The following KPNA5 variants were observed in gnomAD, a reference collection of about 807,000 sequenced individuals.
The protein encoded by KPNA5 is importin subunit alpha-6.
KPNA5 carries 46 observed loss-of-function variants against 71.3 expected under a neutral mutation model. The ratio of observed to expected loss-of-function variants is 0.65; its 90% CI spans 0.51 to 0.83. The LOEUF (loss-of-function observed/expected upper bound fraction) is 0.83. KPNA5 is among the 40% of genes least tolerant of loss of function. The pLI, the probability that KPNA5 is intolerant of heterozygous loss-of-function variation, is 0.00. For missense variants in KPNA5, 547 were observed against 628.3 expected (o/e 0.87, Z 1.38); for synonymous variants, 207 against 201.4 (o/e 1.03, Z -0.24).
intron 9 of KPNA5, among the ~76,000 whole-genome samples, chr6:116,722,526 C>G (rs988542592): frequency 2.0e-5 from 3 of 152,114 alleles, no homozygotes; most frequent in African/African-American, 7.2e-5. Flanking sequence ...TTAATGTGAT[C>G]TCTTTATGAA....
Position 116,726,550 on chromosome 6 carries a change from A to G in KPNA5, c.1181A>G (p.Glu394Gly). The stretch of plus-strand genomic sequence containing the variant: ...TTGATTGAGATTCTTCAGAAAGCAG[A>G]GTTTCGTACCAGAAAAGAAGCAGCT... ...PVLIEILQKA[E>G]FRTRKEAAWA... The change falls in exon 12 of 14, where the codon GAG (glutamate) becomes GGG (glycine). Residue 394 changes from glutamate to glycine, a missense_variant. Coordinates refer to ENST00000368564, the MANE Select transcript of KPNA5 (RefSeq NM_001366306.2). 6.2e-7 allele frequency: 1 copy of G among 1,612,508 alleles called. No individual in the cohort carries two copies. The highest frequency in any genetic ancestry group is 1.3e-5 in the African/African-American group (1 of 74,976).
chr6:116,703,332 G>A (rs1000446896), intron 6 of KPNA5, among the ~76,000 whole-genome samples: 4 of 150,642 alleles, frequency 2.7e-5, no homozygotes, highest in Admixed American at 6.6e-5. Context: ...GCGCGATCTC[G>A]GCTCACTGCA....
chr6:116,683,592 T>G (rs542504525), intron 1 of KPNA5, among the ~76,000 whole-genome samples: 36 of 152,230 alleles, frequency 2.4e-4, no homozygotes, highest in Admixed American at 6.5e-4. Context: ...TTTATTATTT[T>G]TTTTTGAGAT....
chr6:116,690,971 A>G (rs561504160), intron 2 of KPNA5, among the ~76,000 whole-genome samples: 7 of 152,042 alleles, frequency 4.6e-5, no homozygotes, highest in African/African-American at 9.7e-5. Context: ...GCTTATGCCT[A>G]TAATCCCAGC....
At chr6:116,723,474 G>C (rs957567129) in intron 9 of KPNA5, among the ~76,000 whole-genome samples, 2 of 152,150 alleles carry the variant, frequency 1.3e-5, no homozygotes, top group Admixed American at 1.3e-4. Context: ...TTTCAGGACT[G>C]GGACTGAGAA....
chr6:116,732,412 C>A lies in KPNA5; in HGVS notation c.*89C>A. Reference sequence around the variant, plus strand: ...CAATGTAAGAATGTTTGTTTTTTTACATAGAACAGTAAAGAGAATTTGATG... The same window carrying A: ...CAATGTAAGAATGTTTGTTTTTTTAAATAGAACAGTAAAGAGAATTTGATG... On this transcript the variant is annotated 3_prime_UTR_variant, in exon 14 of 14. Transcript: ENST00000368564. The A allele has an allele frequency of 1.5e-6, 1 of 684,762 alleles. No individual in the cohort carries two copies. Among genetic ancestry groups the A allele is most frequent in the Non-Finnish European group, 2.2e-6 (1 of 452,512 alleles). The allele number at this position is 684,762 out of a possible 1,614,324, so 42.4% of individuals were successfully genotyped here. A position where few individuals can be genotyped will look rare whatever the true frequency, so the allele number is the denominator to read the frequency against.
chr6:116,737,559 CGTG>C lies in KPNA5; in HGVS notation c.*5237_*5239del. ...GAATTTCCCTTCCTTGCCCTGCAATCGTGAAACTCTAGGCAGTAAGAGACAGAG... is the reference window on the plus strand; with the variant it reads ...GAATTTCCCTTCCTTGCCCTGCAATCAAACTCTAGGCAGTAAGAGACAGAG... On this transcript the variant is annotated 3_prime_UTR_variant, in exon 14 of 14. Coordinates refer to ENST00000368564, the MANE Select transcript of KPNA5 (RefSeq NM_001366306.2). 1 of 152,066 alleles carries C rather than the reference CGTG, an allele frequency of 6.6e-6. No homozygotes were observed. The highest frequency in any genetic ancestry group is 1.9e-4 in the East Asian group (1 of 5,182). 9.4% of individuals were successfully genotyped at this position (152,066 alleles called of 1,614,324 possible). A position where few individuals can be genotyped will look rare whatever the true frequency, so the allele number is the denominator to read the frequency against.
intron 7 of KPNA5, among the ~76,000 whole-genome samples, chr6:116,708,017 C>T (rs1267298441): frequency 6.6e-6 from 1 of 152,150 alleles, no homozygotes; most frequent in African/African-American, 2.4e-5. Flanking sequence ...AATATATTAC[C>T]TTTGTGTCTG....
chr6:116,720,508 A>G (rs748779233), intron 8 of KPNA5, among the ~76,000 whole-genome samples: 9 of 152,112 alleles, frequency 5.9e-5, no homozygotes, highest in Non-Finnish European at 1.0e-4. Flanking sequence ...GCGAAAAGGT[A>G]TATGTCAGCT....
At chr6:116,700,960 T>C (rs1778207798) in intron 5 of KPNA5, among the ~76,000 whole-genome samples, 1 of 152,230 alleles carries the variant, frequency 6.6e-6, no homozygotes, top group Admixed American at 6.5e-5. Flanking sequence ...GGCTTCTGAC[T>C]TTACCAGTCT....
intron 4 of KPNA5, among the ~76,000 whole-genome samples, chr6:116,695,355 T>G (rs144163357): frequency 3.3e-4 from 50 of 152,316 alleles, no homozygotes; most frequent in African/African-American, 1.2e-3. Flanking sequence ...AATTGCCTAT[T>G]TGTGTTATTT....
chr6:116,702,227 G>A, intron 6 of KPNA5, 77 bp downstream of exon 6: 4 of 1,461,508 alleles, frequency 2.7e-6, no homozygotes, highest in Non-Finnish European at 3.7e-6. Context: ...ATTACGATGT[G>A]TAATTCATTT....
chr6:116,700,583 G>A (rs962887404), intron 5 of KPNA5, among the ~76,000 whole-genome samples: 1 of 152,294 alleles, frequency 6.6e-6, no homozygotes, highest in Non-Finnish European at 1.5e-5. Context: ...GTTGTGCCAT[G>A]TTACCCAAGT....
intron 4 of KPNA5, among the ~76,000 whole-genome samples, chr6:116,696,589 C>G (rs559133324): frequency 4.2e-4 from 64 of 152,246 alleles, no homozygotes; most frequent in Middle Eastern, 3.4e-3. Context: ...CGTGGCCACT[C>G]TTGTGGATGT....
intron 1 of KPNA5, among the ~76,000 whole-genome samples, chr6:116,688,825 T>G (rs1777688026): frequency 6.6e-6 from 1 of 152,124 alleles, no homozygotes; most frequent in Non-Finnish European, 1.5e-5. Context: ...CTTCAGTAAG[T>G]GAAAGAAGCC....
chr6:116,733,875 G>A lies in KPNA5; in HGVS notation c.*1552G>A, dbSNP rs545224540. The A allele has an allele frequency of 4.6e-5, 7 of 151,744 alleles. No individual in the cohort carries two copies. The allele number at this position is 151,744 out of a possible 1,614,324, so 9.4% of individuals were successfully genotyped here. A position where few individuals can be genotyped will look rare whatever the true frequency, so the allele number is the denominator to read the frequency against. ...TTCCAAGAGGAAAATGTATATAGGA[G>A]TACTTTTAAAGAATATGTCACTTTG... On this transcript the variant is annotated 3_prime_UTR_variant, in exon 14 of 14. Coordinates refer to ENST00000368564, the MANE Select transcript of KPNA5 (RefSeq NM_001366306.2).
At chr6:116,687,256 G>A (rs1184546582) in intron 1 of KPNA5, among the ~76,000 whole-genome samples, 1 of 152,040 alleles carries the variant, frequency 6.6e-6, no homozygotes, top group Non-Finnish European at 1.5e-5. Flanking sequence ...CTCCTTGGCT[G>A]GCTATATTTT....
Position 116,735,016 on chromosome 6 carries a change from T to G in KPNA5, c.*2693T>G, listed in dbSNP as rs1421213077. On this transcript the variant is annotated 3_prime_UTR_variant, in exon 14 of 14. Coordinates refer to ENST00000368564, the MANE Select transcript of KPNA5 (RefSeq NM_001366306.2). ...AATTTCTCCTATTTAATCTATGCAA[T>G]TATGCTTGTTTTATATTTATAAGCA... is the stretch of plus-strand genomic sequence containing the variant. 6.6e-6 allele frequency: 1 copy of G among 151,782 alleles called. No homozygotes were observed. The highest frequency in any genetic ancestry group is 2.4e-5 in the African/African-American group (1 of 41,422). 9.4% of individuals were successfully genotyped at this position (151,782 alleles called of 1,614,324 possible).
intron 1 of KPNA5, among the ~76,000 whole-genome samples, chr6:116,682,968 C>T (rs765355080): frequency 2.0e-5 from 3 of 152,128 alleles, no homozygotes; most frequent in Non-Finnish European, 4.4e-5. Flanking sequence ...GAAGTCAGTA[C>T]TATTGAAGAA....
Sources: gnomAD v4.1 joint callset for allele counts (sites outside exome capture counted in the v4.1 genomes callset) on GRCh38, gnomAD v4.1.1 for gene constraint, MANE v1.5 for transcripts, NCBI Gene and HGNC (gene_info 2026-07-23, HGNC 2026-07-21) for gene names.